The following SLC35F1 variants were observed in gnomAD, a reference collection of about 807,000 sequenced individuals.
The protein encoded by SLC35F1 is chromosome 6 open reading frame 169.
SLC35F1 carries 14 observed loss-of-function variants against 48.7 expected under a neutral mutation model. The observed-to-expected ratio is 0.29, with a 90% CI of 0.19 to 0.45. SLC35F1 has a LOEUF of 0.45. Among genes scored for constraint, SLC35F1 ranks in the 20% least tolerant of loss-of-function variants. SLC35F1 has a pLI of 1.00. For synonymous variants in SLC35F1, 190 were observed against 202.2 expected (o/e 0.94, Z 0.51); for missense variants, 404 against 500.0 (o/e 0.81, Z 1.83).
At chr6:118,297,723 TA>T (rs1776208878) in intron 7 of SLC35F1, among the ~76,000 whole-genome samples, 1 of 123,156 alleles carries the variant, frequency 8.1e-6, no homozygotes, top group South Asian at 2.4e-4. Context: ...ATATATATTA[TA>T]TATATAAGTT....
At chr6:118,172,252 T>A (rs980128694) in intron 2 of SLC35F1, among the ~76,000 whole-genome samples, 1 of 152,146 alleles carries the variant, frequency 6.6e-6, no homozygotes, top group African/African-American at 2.4e-5. Flanking sequence ...TTGGGTTCCA[T>A]GGTAGGTTTA....
intron 1 of SLC35F1, among the ~76,000 whole-genome samples, chr6:117,929,445 ATG>A (rs1776071546): frequency 8.0e-6 from 1 of 124,300 alleles, no homozygotes; most frequent in African/African-American, 3.0e-5. Context: ...ATATATGTGT[ATG>A]TATTTATGTG....
intron 1 of SLC35F1, among the ~76,000 whole-genome samples, chr6:117,990,910 G>A (rs945197565): frequency 5.9e-5 from 9 of 152,154 alleles, no homozygotes; most frequent in African/African-American, 2.2e-4. Context: ...CTTCATAAAT[G>A]ACTAGGTCTT....
chr6:118,045,027 A>G (rs77247010), intron 1 of SLC35F1, among the ~76,000 whole-genome samples: 2,213 of 152,338 alleles, frequency 0.015, 61 homozygotes, highest in African/African-American at 0.05. Flanking sequence ...ATGAAGTCTT[A>G]CATATACTAG....
At chr6:118,145,900 C>A (rs907646887) in intron 1 of SLC35F1, among the ~76,000 whole-genome samples, 2 of 152,100 alleles carry the variant, frequency 1.3e-5, no homozygotes, top group Non-Finnish European at 2.9e-5. Context: ...TTGGGAAAAC[C>A]CTTTTTCCTG....
chr6:117,921,527 C>T (rs1357797290), intron 1 of SLC35F1, among the ~76,000 whole-genome samples: 1 of 152,218 alleles, frequency 6.6e-6, no homozygotes, highest in East Asian at 1.9e-4. Flanking sequence ...AAAAATTTCT[C>T]CTTGTTGCTT....
At position 117,907,646 on chromosome 6, in the gene SLC35F1, C is replaced by T. The variant is rs1375721857; in HGVS notation, c.-81C>T. On this transcript the variant is annotated 5_prime_UTR_variant, in exon 1 of 8. Coordinates refer to ENST00000360388, the MANE Select transcript of SLC35F1 (RefSeq NM_001029858.4). Reference sequence around the variant, plus strand: ...GGCCGCGGCCGCCCGGCCGGGTCCTCTGCGCGTTCCCGGGCCCGGAACCGG... The same window carrying T: ...GGCCGCGGCCGCCCGGCCGGGTCCTTTGCGCGTTCCCGGGCCCGGAACCGG... 6 of 848,896 alleles carry T rather than the reference C, an allele frequency of 7.1e-6. No homozygotes were observed. In the African/African-American group the frequency reaches 1.1e-4, roughly 15 times the overall value. 52.6% of individuals were successfully genotyped at this position (848,896 alleles called of 1,614,324 possible).
At chr6:118,127,054 G>A (rs1475562096) in intron 1 of SLC35F1, among the ~76,000 whole-genome samples, 3 of 150,762 alleles carry the variant, frequency 2.0e-5, no homozygotes, top group Non-Finnish European at 4.5e-5. Flanking sequence ...TCCCTGTCTT[G>A]TGCCAGTTTT....
At position 118,314,313 on chromosome 6, in the gene SLC35F1, T is replaced by C; in HGVS notation, c.*61T>C. On this transcript the variant is annotated 3_prime_UTR_variant, in exon 8 of 8. Coordinates refer to ENST00000360388, the MANE Select transcript of SLC35F1 (RefSeq NM_001029858.4). ...TGGCCATGTTTTTGCCCATCATCTC[T>C]GTATTGTACATAGAGAAAGGTATTT... is the stretch of plus-strand genomic sequence containing the variant. The C allele has an allele frequency of 1.4e-6, 2 of 1,447,442 alleles. No individual in the cohort carries two copies. The highest frequency in any genetic ancestry group is 4.6e-5 in the East Asian group (2 of 43,354). The allele number at this position is 1,447,442 out of a possible 1,614,324, so 89.7% of individuals were successfully genotyped here. A position where few individuals can be genotyped will look rare whatever the true frequency, so the allele number is the denominator to read the frequency against.
chr6:118,075,141 A>T (rs897816613), intron 1 of SLC35F1, among the ~76,000 whole-genome samples: 1 of 152,212 alleles, frequency 6.6e-6, no homozygotes, highest in South Asian at 2.1e-4. Flanking sequence ...GATCTTCAGA[A>T]GAATTTGGAT....
At chr6:117,999,567 G>GAAA (rs1312021116) in intron 1 of SLC35F1, 3 of 427,872 alleles carry the variant, frequency 7.0e-6, no homozygotes, top group South Asian at 6.3e-5. Context: ...ACCTGAGGCA[G>GAAA]GAAAAAAAAA....
chr6:118,179,094 T>C (rs1774534932), intron 2 of SLC35F1, among the ~76,000 whole-genome samples: 1 of 152,130 alleles, frequency 6.6e-6, no homozygotes, highest in African/African-American at 2.4e-5. Context: ...GAGCCAGGCT[T>C]ATCTCAGGAG....
intron 2 of SLC35F1, among the ~76,000 whole-genome samples, chr6:118,194,051 T>A (rs1263494775): frequency 6.6e-6 from 1 of 152,216 alleles, no homozygotes; most frequent in Non-Finnish European, 1.5e-5. Flanking sequence ...ATTAGAGCTC[T>A]TTTATATGAA....
chr6:118,153,369 A>G (rs1411324202), intron 1 of SLC35F1, among the ~76,000 whole-genome samples: 1 of 152,256 alleles, frequency 6.6e-6, no homozygotes, highest in South Asian at 2.1e-4. Context: ...TGATTATTAT[A>G]CAATGTGAAC....
intron 1 of SLC35F1, among the ~76,000 whole-genome samples, chr6:118,046,368 C>A (rs1044723159): frequency 5.3e-5 from 8 of 152,096 alleles, no homozygotes; most frequent in African/African-American, 1.9e-4. Context: ...ACATACTTGT[C>A]TATTCTGTCT....
chr6:118,033,415 G>T (rs974544326), intron 1 of SLC35F1, among the ~76,000 whole-genome samples: 28 of 152,056 alleles, frequency 1.8e-4, no homozygotes, highest in Admixed American at 1.6e-3. Context: ...TTAAAATAAG[G>T]AGTTATTTTT....
intron 1 of SLC35F1, among the ~76,000 whole-genome samples, chr6:117,931,757 A>T (rs1223097607): frequency 2.0e-5 from 3 of 152,194 alleles, no homozygotes; most frequent in Non-Finnish European, 4.4e-5. Context: ...AGGTCTTTAG[A>T]CTTGCTGCAT....
At chr6:117,964,977 T>C (rs576763635) in intron 1 of SLC35F1, among the ~76,000 whole-genome samples, 3 of 150,646 alleles carry the variant, frequency 2.0e-5, no homozygotes, top group African/African-American at 4.9e-5. Context: ...GGAAGAGGAG[T>C]TGGCCAACAG....
intron 3 of SLC35F1, among the ~76,000 whole-genome samples, chr6:118,253,129 A>G (rs1775597454): frequency 6.6e-6 from 1 of 152,144 alleles, no homozygotes; most frequent in South Asian, 2.1e-4. Flanking sequence ...GGTAGGTGAA[A>G]TCATTCAGGG....
Sources: gnomAD v4.1 joint callset for allele counts (sites outside exome capture counted in the v4.1 genomes callset) on GRCh38, gnomAD v4.1.1 for gene constraint, MANE v1.5 for transcripts, NCBI Gene and HGNC (gene_info 2026-07-23, HGNC 2026-07-21) for gene names.